The following SAXO1 variants were observed in gnomAD, a reference collection of about 807,000 sequenced individuals.
SAXO1 encodes 4930500O09Rik.
SAXO1 carries 21 observed loss-of-function variants against 17.5 expected under a neutral mutation model. The ratio of observed to expected loss-of-function variants is 1.20; its 90% CI spans 0.85 to 1.72. SAXO1 has a LOEUF of 1.72. Ranked by LOEUF, SAXO1 falls within the 40% of genes most tolerant of loss-of-function variation. The pLI is 0.00. For synonymous variants in SAXO1, 274 were observed against 216.5 expected, an observed-to-expected ratio of 1.27 and a Z score of -2.33; for missense variants, 843 against 596.0, an observed-to-expected ratio of 1.41 and a Z score of -4.32.
chr9:18,941,565 A>T, intron 3 of SAXO1, 72 bp downstream of exon 3: 1 of 1,573,078 alleles, frequency 6.4e-7, no homozygotes, highest in Non-Finnish European at 8.7e-7. Context: ...GTATGCACAT[A>T]AAACACATTT....
chr9:18,962,619 G>C (rs142509176), intron 1 of SAXO1, among the ~76,000 whole-genome samples: 6 of 151,106 alleles, frequency 4.0e-5, no homozygotes, highest in African/African-American at 1.5e-4. Flanking sequence ...GTGTGCAGAA[G>C]CGTCTGTTCA....
intron 1 of SAXO1, among the ~76,000 whole-genome samples, chr9:18,986,305 C>T (rs1018974563): frequency 6.6e-6 from 1 of 152,132 alleles, no homozygotes; most frequent in African/African-American, 2.4e-5. Context: ...CTAATAATGT[C>T]AAAATGTTTT....
At chr9:19,000,744 T>G (rs1355966028) in intron 1 of SAXO1, among the ~76,000 whole-genome samples, 1 of 152,130 alleles carries the variant, frequency 6.6e-6, no homozygotes. Flanking sequence ...TGGAGGAAGA[T>G]CTACCAAGCA....
In SAXO1 at chr9:19,008,322, T is replaced by G. The variant is rs186661088; in HGVS notation, c.38+24549A>C. 3.9e-5 allele frequency among the ~76,000 whole-genome samples: 6 copies of G among 152,276 alleles called. No homozygotes were observed. The East Asian group carries it at 9.7e-4, about 25-fold the overall frequency. On this transcript the variant is annotated intron_variant, in intron 1 of 3. Transcript: ENST00000380534. ...AAAGATTGCTGATTTCTGATCTAAA[T>G]TATCAACTCAGTAAAGGACGAAATG...
chr9:19,042,570 T>A (rs929811623), intron 1 of SAXO1, among the ~76,000 whole-genome samples: 9 of 152,198 alleles, frequency 5.9e-5, no homozygotes, highest in Admixed American at 3.3e-4. Flanking sequence ...TAAATAGATA[T>A]AGAAAATGTG....
intron 1 of SAXO1, among the ~76,000 whole-genome samples, chr9:18,955,555 C>CT (rs1465809373): frequency 6.6e-6 from 1 of 152,196 alleles, no homozygotes; most frequent in African/African-American, 2.4e-5. Flanking sequence ...CTAAAAAATA[C>CT]TTTTTGTTGA....
chr9:19,022,965 A>G (rs980246824), intron 1 of SAXO1, among the ~76,000 whole-genome samples: 3 of 152,180 alleles, frequency 2.0e-5, no homozygotes, highest in African/African-American at 7.2e-5. Context: ...ACAGCAACTT[A>G]ACCTTAGTGT....
intron 1 of SAXO1, among the ~76,000 whole-genome samples, chr9:19,012,547 A>G (rs1451693018): frequency 6.6e-6 from 1 of 152,168 alleles, no homozygotes; most frequent in Non-Finnish European, 1.5e-5. Flanking sequence ...ACAGAGTTAG[A>G]TGGGCAACTC....
At chr9:19,019,266 G>C (rs1203155443) in intron 1 of SAXO1, among the ~76,000 whole-genome samples, 1 of 152,076 alleles carries the variant, frequency 6.6e-6, no homozygotes, top group African/African-American at 2.4e-5. Flanking sequence ...TCTTTGCTGA[G>C]ACATTAATGA....
intron 2 of SAXO1, among the ~76,000 whole-genome samples, chr9:18,942,576 C>T (rs73648813): frequency 0.034 from 5,181 of 152,324 alleles, 292 homozygotes; most frequent in African/African-American, 0.12. Flanking sequence ...AGTGAAATAA[C>T]TGGAAACCCT....
intron 1 of SAXO1, among the ~76,000 whole-genome samples, chr9:18,956,807 C>T (rs1050232077): frequency 1.3e-5 from 2 of 152,200 alleles, no homozygotes; most frequent in African/African-American, 2.4e-5. Flanking sequence ...ACGCACAACA[C>T]GGGCTAAGTG....
intron 1 of SAXO1, among the ~76,000 whole-genome samples, chr9:19,018,552 A>G (rs1835091023): frequency 6.6e-6 from 1 of 152,258 alleles, no homozygotes; most frequent in African/African-American, 2.4e-5. Flanking sequence ...TACATTTCCC[A>G]CAAAAGTATT....
rs561231285 is a variant in SAXO1, at chr9:18,967,618, T to A, written c.39-16681A>T. On this transcript the variant is annotated intron_variant, in intron 1 of 3. Coordinates refer to ENST00000380534, the MANE Select transcript of SAXO1 (RefSeq NM_153707.4). ...CCCAACCAAGCTCGAGTGTCCCAGGTCAACTTCAGACTGCTGTGCTGGCAG... is the reference window on the plus strand; with the variant it reads ...CCCAACCAAGCTCGAGTGTCCCAGGACAACTTCAGACTGCTGTGCTGGCAG... Among the ~76,000 whole-genome samples the A allele has an allele frequency of 5.3e-5, 8 of 152,270 alleles. No individual in the cohort carries two copies. In the South Asian group the frequency reaches 1.7e-3, roughly 32 times the overall value.
chr9:18,939,831 G>A (rs1241711135), intron 3 of SAXO1, among the ~76,000 whole-genome samples: 2 of 152,176 alleles, frequency 1.3e-5, no homozygotes, highest in South Asian at 2.1e-4. Flanking sequence ...ACAAAATAAT[G>A]ATTTTATCAA....
chr9:18,968,012 C>A (rs536313088), intron 1 of SAXO1, among the ~76,000 whole-genome samples: 2 of 152,288 alleles, frequency 1.3e-5, no homozygotes, highest in African/African-American at 4.8e-5. Context: ...AGTTCCCCAA[C>A]CCCTTACGCT....
chr9:19,014,992 G>C (rs1238540527), intron 1 of SAXO1, among the ~76,000 whole-genome samples: 1 of 152,120 alleles, frequency 6.6e-6, no homozygotes, highest in Non-Finnish European at 1.5e-5. Flanking sequence ...CCTTTCCTGA[G>C]AAAGATGTAA....
At chr9:19,001,973 G>C (rs1187047525) in intron 1 of SAXO1, among the ~76,000 whole-genome samples, 1 of 152,006 alleles carries the variant, frequency 6.6e-6, no homozygotes, top group African/African-American at 2.4e-5. Flanking sequence ...TTTTTGGAAA[G>C]ATCAACAAAA....
rs531563780 is a variant in SAXO1 at position 18,953,694 on chromosome 9, C to T, written c.39-2757G>A. Among the ~76,000 whole-genome samples the T allele has an allele frequency of 5.0e-4, 76 of 152,272 alleles. No individual in the cohort carries two copies. The South Asian group carries it at 0.014, about 28-fold the overall frequency. On this transcript the variant is annotated intron_variant, in intron 1 of 3. Coordinates refer to ENST00000380534, the MANE Select transcript of SAXO1 (RefSeq NM_153707.4). ...TCTTCTCATTGGTGATCAACCCAAC[C>T]CTCATTAACCAGGAATCCCTCAAGG...
At chr9:19,048,508 T>G (rs900278608) in intron 1 of SAXO1, among the ~76,000 whole-genome samples, 4 of 152,092 alleles carry the variant, frequency 2.6e-5, no homozygotes, top group Non-Finnish European at 5.9e-5. Context: ...AGTATCCTGA[T>G]GACTCTCATT....
Sources: gnomAD v4.1 joint callset for allele counts (sites outside exome capture counted in the v4.1 genomes callset) on GRCh38, gnomAD v4.1.1 for gene constraint, MANE v1.5 for transcripts, NCBI Gene and HGNC (gene_info 2026-07-23, HGNC 2026-07-21) for gene names.